Variants in PCDHA1 observed in about 807,000 individuals in gnomAD.
PCDHA1 encodes protocadherin alpha 1, also known as protocadherin alpha-1.
A neutral mutation model predicts 61.3 loss-of-function variants in PCDHA1; 42 were observed. That is an observed-to-expected ratio of 0.69 (90% CI 0.54 to 0.89). The LOEUF (loss-of-function observed/expected upper bound fraction) is 0.89, where lower values mean the gene tolerates loss of function less well. Among genes scored for constraint, PCDHA1 ranks in the 40% least tolerant of loss-of-function variants. The pLI is 0.00. For synonymous variants in PCDHA1, 610 were observed against 553.8 expected (o/e 1.10, Z -1.43); for missense variants, 1,256 against 1,235.3 (o/e 1.02, Z -0.25).
intron 1 of PCDHA1, among the ~76,000 whole-genome samples, chr5:140,799,054 A>G (rs1262692335): frequency 1.3e-5 from 2 of 152,196 alleles, no homozygotes; most frequent in African/African-American, 4.8e-5. Flanking sequence ...TTATATTCAC[A>G]TATATCCAAA....
chr5:140,829,588 G>A lies in PCDHA1; in HGVS notation c.2394+40904G>A, dbSNP rs2150170714. ...CCTACTCGCTGGTGGAGCGGCGGGT[G>A]GGCGAGCGCGCGTTGTCGAGCTACA... On this transcript the variant is annotated intron_variant, in intron 1 of 3. Transcript: ENST00000504120. 36 of 1,611,952 alleles carry A rather than the reference G, an allele frequency of 2.2e-5. No individual in the cohort carries two copies. The African/African-American group carries it at 4.3e-4, about 19-fold the overall frequency.
chr5:140,943,525 T>C (rs891940980), intron 1 of PCDHA1, among the ~76,000 whole-genome samples: 7 of 152,148 alleles, frequency 4.6e-5, no homozygotes, highest in African/African-American at 7.2e-5. Flanking sequence ...GAGTTCAGTA[T>C]GCAAAATGTC....
chr5:140,980,490 C>T (rs185528514), intron 2 of PCDHA1, among the ~76,000 whole-genome samples: 39 of 152,096 alleles, frequency 2.6e-4, no homozygotes, highest in Admixed American at 4.6e-4. Context: ...ATTAGCTGGG[C>T]GTGATGGCAT....
intron 1 of PCDHA1, chr5:140,822,818 A>G (rs2150119622): frequency 6.2e-7 from 1 of 1,614,182 alleles, no homozygotes; most frequent in African/African-American, 1.3e-5. Flanking sequence ...AATACCCCAG[A>G]GATGGCCATA....
At chr5:140,875,474 T>A in intron 1 of PCDHA1, 2 of 1,606,582 alleles carry the variant, frequency 1.2e-6, no homozygotes, top group Non-Finnish European at 1.7e-6. Flanking sequence ...TTTTCTGCAA[T>A]GGTGATTATC....
chr5:140,858,944 T>TA (rs2045667793), intron 1 of PCDHA1: 1 of 159,332 alleles, frequency 6.3e-6, no homozygotes, highest in Admixed American at 6.4e-5. Context: ...TGTTCAGTGA[T>TA]TACAGCTTTT....
At chr5:140,890,576 A>T (rs1554184435) in intron 1 of PCDHA1, among the ~76,000 whole-genome samples, 2 of 151,634 alleles carry the variant, frequency 1.3e-5, no homozygotes, top group African/African-American at 4.8e-5. Flanking sequence ...TTCCTTCTGT[A>T]TTATTTGGAA....
chr5:140,902,565 T>G (rs571957153), intron 1 of PCDHA1, among the ~76,000 whole-genome samples: 1 of 152,110 alleles, frequency 6.6e-6, no homozygotes. Context: ...TTTTTGAGGG[T>G]TTTTAAGATT....
chr5:140,869,666 A>C, intron 1 of PCDHA1: 12 of 1,613,524 alleles, frequency 7.4e-6, no homozygotes, highest in Non-Finnish European at 1.0e-5. Flanking sequence ...AATGGTAAGC[A>C]GATTAAAAGA....
intron 1 of PCDHA1, chr5:140,849,556 C>T: frequency 6.3e-7 from 1 of 1,598,518 alleles, no homozygotes; most frequent in Non-Finnish European, 8.6e-7. Context: ...ACTATCAAAA[C>T]GCTCTCGGTT....
At chr5:140,831,169 T>C (rs1771407400) in intron 1 of PCDHA1, 1 of 152,190 alleles carries the variant, frequency 6.6e-6, no homozygotes, top group Admixed American at 6.6e-5. Context: ...AATGGAAAAA[T>C]AGTGATTCAA....
At chr5:140,795,737 G>A in intron 1 of PCDHA1, 3 of 1,614,020 alleles carry the variant, frequency 1.9e-6, no homozygotes, top group Non-Finnish European at 2.5e-6. Flanking sequence ...ACGGCAAATG[G>A]GACCTTAGTG....
intron 1 of PCDHA1, among the ~76,000 whole-genome samples, chr5:140,800,454 T>C (rs1401374286): frequency 6.6e-6 from 1 of 152,170 alleles, no homozygotes; most frequent in Admixed American, 6.5e-5. Context: ...TAAAAGTAGA[T>C]ATATGTATGT....
chr5:140,930,892 TTTAAC>T, intron 1 of PCDHA1, among the ~76,000 whole-genome samples: 1 of 152,332 alleles, frequency 6.6e-6, no homozygotes, highest in African/African-American at 2.4e-5. Context: ...AGGGAAAAAC[TTTAAC>T]TTACTTTTCT....
chr5:140,869,894 T>A lies in PCDHA1; in HGVS notation c.2394+81210T>A, dbSNP rs1234875307. 5 of 1,610,472 alleles carry A rather than the reference T, an allele frequency of 3.1e-6. No individual in the cohort carries two copies. The African/African-American group carries it at 4.0e-5, about 13-fold the overall frequency. On this transcript the variant is annotated intron_variant, in intron 1 of 3. Coordinates refer to ENST00000504120, the MANE Select transcript of PCDHA1 (RefSeq NM_018900.4). ...GCTAAAGAAACTCTTGTGCTCAAAC[T>A]AAACGCCACAGACCGAGACGAAGGA...
chr5:141,009,303 T>A (rs1040786824), intron 3 of PCDHA1, among the ~76,000 whole-genome samples: 16 of 152,050 alleles, frequency 1.1e-4, no homozygotes, highest in East Asian at 1.9e-4. Flanking sequence ...AAATTTTTTT[T>A]AAAAAGCTAG....
intron 1 of PCDHA1, chr5:140,969,574 G>T (rs948199454): frequency 1.0e-6 from 1 of 983,446 alleles, no homozygotes; most frequent in Non-Finnish European, 1.5e-6. Context: ...TGTTTGAGAA[G>T]TGAGGATTAG....
rs1554117339 is a variant in PCDHA1, at chr5:140,786,320, A to T, written c.30A>T (p.Gly10=). 1 of 1,611,612 alleles carries T rather than the reference A, an allele frequency of 6.2e-7. No individual in the cohort carries two copies. Among genetic ancestry groups the T allele is most frequent in the African/African-American group, 1.3e-5 (1 of 74,978 alleles). MVFSRRGGL[G]ARDLLLWLLL... ...TGTTTTCTAGGAGAGGGGGCCTGGG[A>T]GCCCGGGATCTGCTTCTTTGGCTTC... Residue 10 remains glycine, a synonymous_variant, in exon 1 of 4, where the codon GGA becomes GGT. Coordinates refer to ENST00000504120, the MANE Select transcript of PCDHA1 (RefSeq NM_018900.4).
chr5:140,970,227 A>T (rs186622858), intron 1 of PCDHA1, among the ~76,000 whole-genome samples: 190 of 152,300 alleles, frequency 1.2e-3, no homozygotes, highest in African/African-American at 4.2e-3. Flanking sequence ...GCAGCCTGTA[A>T]TCTTCTGATT....
Sources: gnomAD v4.1 joint callset for allele counts (sites outside exome capture counted in the v4.1 genomes callset) on GRCh38, gnomAD v4.1.1 for gene constraint, MANE v1.5 for transcripts, NCBI Gene and HGNC (gene_info 2026-07-23, HGNC 2026-07-21) for gene names.